Variants in RCAN2 observed in about 807,000 individuals in gnomAD.
RCAN2 encodes the protein calcipressin-2.
A neutral mutation model predicts 23.6 loss-of-function variants in RCAN2; 9 were observed. The ratio of observed to expected loss-of-function variants is 0.38; its 90% CI spans 0.23 to 0.67. RCAN2 has a LOEUF of 0.67. RCAN2 is among the 30% of genes least tolerant of loss of function. The pLI is 0.51. For missense variants in RCAN2, 273 were observed against 302.3 expected, an observed-to-expected ratio of 0.90 and a Z score of 0.72; for synonymous variants, 109 against 115.7, an observed-to-expected ratio of 0.94 and a Z score of 0.37.
At chr6:46,267,390 A>T (rs2150330813) in intron 2 of RCAN2, among the ~76,000 whole-genome samples, 1 of 152,280 alleles carries the variant, frequency 6.6e-6, no homozygotes, top group East Asian at 1.9e-4. Flanking sequence ...AGAAAAAAAG[A>T]ATTAAAGAGG....
At chr6:46,322,718 C>T (rs1471880007) in intron 2 of RCAN2, among the ~76,000 whole-genome samples, 1 of 152,182 alleles carries the variant, frequency 6.6e-6, no homozygotes, top group African/African-American at 2.4e-5. Context: ...TGAGACAGAC[C>T]CTTTCCATGT....
At chr6:46,466,386 C>T (rs548444066) in intron 1 of RCAN2, among the ~76,000 whole-genome samples, 6 of 152,152 alleles carry the variant, frequency 3.9e-5, no homozygotes, top group African/African-American at 1.4e-4. Context: ...AAGGGTCTGA[C>T]TTATTTAGAA....
intron 2 of RCAN2, among the ~76,000 whole-genome samples, chr6:46,424,179 G>A (rs1766970606): frequency 6.6e-6 from 1 of 152,164 alleles, no homozygotes; most frequent in South Asian, 2.1e-4. Context: ...CTTAGTAAGA[G>A]CATGGCACCA....
intron 2 of RCAN2, among the ~76,000 whole-genome samples, chr6:46,412,483 A>G (rs1180873579): frequency 6.6e-6 from 1 of 152,178 alleles, no homozygotes; most frequent in Non-Finnish European, 1.5e-5. Flanking sequence ...ACTATGATGT[A>G]TAAATACAAA....
chr6:46,456,305 C>T (rs1262116347), intron 2 of RCAN2, among the ~76,000 whole-genome samples: 1 of 152,154 alleles, frequency 6.6e-6, no homozygotes, highest in African/African-American at 2.4e-5. Context: ...AGACTTGGCT[C>T]ACAGTTTAAG....
At chr6:46,381,105 G>C (rs1765606137) in intron 2 of RCAN2, among the ~76,000 whole-genome samples, 1 of 152,126 alleles carries the variant, frequency 6.6e-6, no homozygotes, top group South Asian at 2.1e-4. Context: ...ATGTGCAAAA[G>C]ACTGACACAT....
At chr6:46,307,368 C>A (rs1025868305) in intron 2 of RCAN2, among the ~76,000 whole-genome samples, 11 of 152,032 alleles carry the variant, frequency 7.2e-5, no homozygotes, top group African/African-American at 2.7e-4. Context: ...AAGCCTCTGG[C>A]AGAAATCAAA....
chr6:46,232,823 T>C (rs915627675), intron 4 of RCAN2, among the ~76,000 whole-genome samples: 2 of 141,778 alleles, frequency 1.4e-5, no homozygotes, highest in African/African-American at 5.3e-5. Context: ...AGTTTACCAG[T>C]ATAGGGAAGC....
chr6:46,455,587 T>C (rs982732812), intron 2 of RCAN2, among the ~76,000 whole-genome samples: 1 of 151,348 alleles, frequency 6.6e-6, no homozygotes, highest in African/African-American at 2.4e-5. Context: ...CCGGGCGCAG[T>C]GGCTCACACC....
intron 1 of RCAN2, among the ~76,000 whole-genome samples, chr6:46,470,616 T>C (rs1360486428): frequency 2.0e-5 from 3 of 152,274 alleles, no homozygotes; most frequent in Admixed American, 6.5e-5. Flanking sequence ...CAGTTTTCTA[T>C]GTACCCTCTC....
chr6:46,259,172 T>TG (rs1474898391), intron 2 of RCAN2, among the ~76,000 whole-genome samples: 1 of 152,004 alleles, frequency 6.6e-6, no homozygotes, highest in Non-Finnish European at 1.5e-5. Flanking sequence ...GGTGACCGAG[T>TG]GAGACCCTGT....
At chr6:46,339,980 AGATGGT>A (rs1764257055) in intron 2 of RCAN2, among the ~76,000 whole-genome samples, 1 of 152,166 alleles carries the variant, frequency 6.6e-6, no homozygotes, top group Non-Finnish European at 1.5e-5. Context: ...CTGCCCCACT[AGATGGT>A]ATAAATAATT....
chr6:46,356,027 G>A (rs1764819865), intron 2 of RCAN2, among the ~76,000 whole-genome samples: 2 of 152,304 alleles, frequency 1.3e-5, no homozygotes, highest in South Asian at 4.1e-4. Flanking sequence ...AGTGACTTTA[G>A]AGCATCTGTT....
chr6:46,453,066 T>G (rs1186240273), intron 2 of RCAN2, among the ~76,000 whole-genome samples: 2 of 152,234 alleles, frequency 1.3e-5, no homozygotes, highest in Non-Finnish European at 2.9e-5. Flanking sequence ...GACCCTTATG[T>G]GTCTTTAGCA....
At chr6:46,439,891 T>C (rs1767481572) in intron 2 of RCAN2, among the ~76,000 whole-genome samples, 1 of 152,226 alleles carries the variant, frequency 6.6e-6, no homozygotes, top group Admixed American at 6.5e-5. Flanking sequence ...AAGAGGCTAG[T>C]TGAAGAGTGA....
At chr6:46,414,611 C>T (rs1766649559) in intron 2 of RCAN2, among the ~76,000 whole-genome samples, 1 of 152,182 alleles carries the variant, frequency 6.6e-6, no homozygotes. Flanking sequence ...TGGACCTCAT[C>T]TAATCAGTTG....
chr6:46,288,327 C>T (rs553012842), intron 2 of RCAN2, among the ~76,000 whole-genome samples: 2 of 152,334 alleles, frequency 1.3e-5, no homozygotes, highest in East Asian at 3.9e-4. Flanking sequence ...CTTATTCTCT[C>T]ATGCGGGATC....
chr6:46,315,501 A>G (rs1763404754), intron 2 of RCAN2, among the ~76,000 whole-genome samples: 2 of 152,164 alleles, frequency 1.3e-5, no homozygotes. Flanking sequence ...TAGAGGGCAC[A>G]GCAAAGGCAA....
intron 2 of RCAN2, among the ~76,000 whole-genome samples, chr6:46,426,136 T>A (rs1296563398): frequency 6.6e-6 from 1 of 152,070 alleles, no homozygotes; most frequent in Non-Finnish European, 1.5e-5. Context: ...TGACCTCAGA[T>A]GATCCACCCC....
Sources: allele counts gnomAD v4.1 joint callset (sites outside exome capture counted in the v4.1 genomes callset), GRCh38; gene constraint gnomAD v4.1.1; transcripts MANE v1.5; gene names NCBI Gene and HGNC (gene_info 2026-07-23, HGNC 2026-07-21).